PTPRD: variants seen among roughly 807,000 people sequenced by gnomAD.
The protein encoded by PTPRD is protein tyrosine phosphatase receptor type D, also known as receptor-type tyrosine-protein phosphatase delta.
A neutral mutation model predicts 214.5 loss-of-function variants in PTPRD; 34 were observed. That is an observed-to-expected ratio of 0.16 (90% CI 0.12 to 0.21). The LOEUF (loss-of-function observed/expected upper bound fraction) is 0.21, where lower values mean the gene tolerates loss of function less well. PTPRD is among the 10% of genes least tolerant of loss of function. The probability of loss-of-function intolerance (pLI) is 1.00; values close to 1 mark genes in which losing one functional copy is unlikely to be tolerated. For missense variants in PTPRD, 2,545 were observed against 2,398.7 expected, an observed-to-expected ratio of 1.06 and a Z score of -1.27; for synonymous variants, 1,128 against 845.7, an observed-to-expected ratio of 1.33 and a Z score of -5.79.
chr9:8,714,003 G>T (rs2098401905), intron 12 of PTPRD, among the ~76,000 whole-genome samples: 1 of 152,150 alleles, frequency 6.6e-6, no homozygotes, highest in South Asian at 2.1e-4. Flanking sequence ...CTTTGAATCA[G>T]TTAGTCCTAT....
intron 7 of PTPRD, among the ~76,000 whole-genome samples, chr9:9,631,731 A>G (rs2095601941): frequency 1.3e-5 from 2 of 152,162 alleles, no homozygotes; most frequent in African/African-American, 4.8e-5. Context: ...GACACAGCAA[A>G]GCATAAAAAC....
At chr9:9,173,926 C>G (rs1395770102) in intron 10 of PTPRD, among the ~76,000 whole-genome samples, 2 of 152,076 alleles carry the variant, frequency 1.3e-5, no homozygotes, top group South Asian at 2.1e-4. Flanking sequence ...CCGGCATGCT[C>G]TTATGTTAGC....
At chr9:8,331,221 A>AAGAAAGACAGTTATC (rs1207729865) in intron 44 of PTPRD, among the ~76,000 whole-genome samples, 1 of 149,394 alleles carries the variant, frequency 6.7e-6, no homozygotes, top group African/African-American at 2.6e-5. Context: ...TCACAAACAG[A>AAGAAAGACAGTTATC]AGAAAGACAG....
At chr9:8,772,574 T>C (rs966693819) in intron 11 of PTPRD, among the ~76,000 whole-genome samples, 4 of 152,038 alleles carry the variant, frequency 2.6e-5, no homozygotes, top group African/African-American at 9.7e-5. Context: ...GCCCAGGAGT[T>C]TGAGGATGTA....
At position 8,809,921 on chromosome 9, in the gene PTPRD, T is replaced by A. The variant is rs75240118; in HGVS notation, c.-103-75975A>T. On this transcript the variant is annotated intron_variant, in intron 11 of 45. Transcript: ENST00000381196. ...AGGGAGCTTCCATCAACAGATGTCA[T>A]AAGAGATAAGCTCCAATTTGACACG... Among the ~76,000 whole-genome samples, 743 of 152,286 alleles carry A rather than the reference T, an allele frequency of 4.9e-3. 21 individuals are homozygous for A. The highest frequency in any genetic ancestry group is 0.036 in the East Asian group (186 of 5,170).
At chr9:9,394,545 A>G (rs183840879) in intron 9 of PTPRD, among the ~76,000 whole-genome samples, 93 of 152,194 alleles carry the variant, frequency 6.1e-4, no homozygotes, top group Non-Finnish European at 1.1e-3. Flanking sequence ...TTTGTGCCCC[A>G]GTTTTCTTAT....
At chr9:10,241,016 A>G (rs1451681871) in intron 3 of PTPRD, among the ~76,000 whole-genome samples, 1 of 101,548 alleles carries the variant, frequency 9.8e-6, no homozygotes, top group Admixed American at 9.7e-5. Flanking sequence ...ATACCAGAGT[A>G]GAAAAAAAAA....
intron 3 of PTPRD, among the ~76,000 whole-genome samples, chr9:10,224,584 A>G (rs2099582612): frequency 6.6e-6 from 1 of 152,068 alleles, no homozygotes; most frequent in African/African-American, 2.4e-5. Flanking sequence ...GTGATATTTT[A>G]AAATCTGAAG....
At chr9:8,362,481 T>C (rs1040474560) in intron 39 of PTPRD, among the ~76,000 whole-genome samples, 6 of 152,212 alleles carry the variant, frequency 3.9e-5, no homozygotes, top group African/African-American at 1.4e-4. Context: ...TGATTGGTTA[T>C]GGTTTTTCAA....
chr9:9,354,054 C>A (rs1436441313), intron 9 of PTPRD, among the ~76,000 whole-genome samples: 4 of 151,846 alleles, frequency 2.6e-5, no homozygotes, highest in Admixed American at 2.6e-4. Context: ...CTTGTCCCCA[C>A]ATGGCCTCCT....
chr9:8,742,485 G>T (rs1469747847), intron 11 of PTPRD, among the ~76,000 whole-genome samples: 1 of 152,122 alleles, frequency 6.6e-6, no homozygotes, highest in Non-Finnish European at 1.5e-5. Flanking sequence ...TTTTCTTAAT[G>T]AATGCAAAAT....
intron 4 of PTPRD, among the ~76,000 whole-genome samples, chr9:10,016,852 A>T (rs1012109918): frequency 2.3e-4 from 35 of 152,012 alleles, no homozygotes; most frequent in African/African-American, 8.0e-4. Context: ...TTTTGTAGAG[A>T]CAGGGTCTCG....
intron 4 of PTPRD, among the ~76,000 whole-genome samples, chr9:9,954,579 C>G (rs2154006827): frequency 6.6e-6 from 1 of 151,574 alleles, no homozygotes; most frequent in East Asian, 1.9e-4. Flanking sequence ...GAAAATCTGT[C>G]ATTTATGAGA....
chr9:8,568,805 A>C (rs996177784), intron 14 of PTPRD, among the ~76,000 whole-genome samples: 22 of 151,998 alleles, frequency 1.4e-4, no homozygotes, highest in African/African-American at 5.3e-4. Context: ...ATAAATATGA[A>C]TATTTTAGAA....
chr9:8,749,019 A>ATG (rs1565770688), intron 11 of PTPRD, among the ~76,000 whole-genome samples: 1 of 152,216 alleles, frequency 6.6e-6, no homozygotes, highest in Non-Finnish European at 1.5e-5. Context: ...ATGTATTTAT[A>ATG]TATTATATAC....
chr9:9,447,739 T>A (rs896511063), intron 8 of PTPRD, among the ~76,000 whole-genome samples: 3 of 152,134 alleles, frequency 2.0e-5, no homozygotes, highest in African/African-American at 7.2e-5. Flanking sequence ...TTGATTACAA[T>A]TGCTATGGGG....
chr9:8,543,824 T>C (rs1465270843), intron 14 of PTPRD, among the ~76,000 whole-genome samples: 1 of 152,102 alleles, frequency 6.6e-6, no homozygotes, highest in Non-Finnish European at 1.5e-5. Flanking sequence ...GTGATTCTTC[T>C]GCCTCAGCCT....
chr9:9,489,992 A>G (rs565294135), intron 8 of PTPRD, among the ~76,000 whole-genome samples: 40 of 152,188 alleles, frequency 2.6e-4, no homozygotes, highest in African/African-American at 8.9e-4. Context: ...CAAAGAGAAA[A>G]TCTTAAAAGG....
chr9:10,196,502 C>G (rs2080336158), intron 3 of PTPRD, among the ~76,000 whole-genome samples: 1 of 152,140 alleles, frequency 6.6e-6, no homozygotes, highest in South Asian at 2.1e-4. Context: ...TGCATAGACT[C>G]TGGGTACTCT....
Sources: allele counts gnomAD v4.1 joint callset (sites outside exome capture counted in the v4.1 genomes callset), GRCh38; gene constraint gnomAD v4.1.1; transcripts MANE v1.5; gene names NCBI Gene and HGNC (gene_info 2026-07-23, HGNC 2026-07-21).